PREP: variants seen among roughly 807,000 people sequenced by gnomAD.
The protein encoded by PREP is prolyl endopeptidase, also known as dJ355L5.1 (prolyl endopeptidase).
Under a neutral mutation model 87.6 loss-of-function variants are expected in PREP, and 29 were observed. The observed-to-expected ratio is 0.33, with a 90% CI of 0.25 to 0.45. PREP has a LOEUF of 0.45. Among genes scored for constraint, PREP ranks in the 20% least tolerant of loss-of-function variants. The pLI is 1.00. For missense variants in PREP, 695 were observed against 886.5 expected, an observed-to-expected ratio of 0.78 and a Z score of 2.74; for synonymous variants, 337 against 328.6, an observed-to-expected ratio of 1.03 and a Z score of -0.28.
chr6:105,368,830 C>A, intron 6 of PREP, 73 bp downstream of exon 6: 1 of 1,557,708 alleles, frequency 6.4e-7, no homozygotes. Flanking sequence ...AAGGTCACCA[C>A]ATAATAAGAA....
intron 7 of PREP, among the ~76,000 whole-genome samples, chr6:105,337,131 G>C (rs1033417872): frequency 6.6e-6 from 1 of 152,020 alleles, no homozygotes; most frequent in African/African-American, 2.4e-5. Flanking sequence ...TTTTCACTAG[G>C]AATCTGATCA....
chr6:105,339,151 A>G (rs186595265), intron 7 of PREP, among the ~76,000 whole-genome samples: 7 of 152,250 alleles, frequency 4.6e-5, no homozygotes, highest in African/African-American at 1.7e-4. Context: ...GCTGATTGAC[A>G]CCTCATAAGG....
intron 2 of PREP, among the ~76,000 whole-genome samples, chr6:105,377,846 G>A (rs1772727606): frequency 6.6e-6 from 1 of 152,212 alleles, no homozygotes; most frequent in Non-Finnish European, 1.5e-5. Flanking sequence ...GGGAAACTGA[G>A]GTTTGGAGTG....
chr6:105,318,287 C>A (rs1770924259), intron 10 of PREP, among the ~76,000 whole-genome samples: 1 of 152,172 alleles, frequency 6.6e-6, no homozygotes, highest in Admixed American at 6.5e-5. Context: ...ATGCAAGTCA[C>A]TTCCTAACAA....
At chr6:105,394,928 C>A (rs1237466984) in intron 2 of PREP, among the ~76,000 whole-genome samples, 1 of 148,340 alleles carries the variant, frequency 6.7e-6, no homozygotes, top group Non-Finnish European at 1.5e-5. Context: ...ATGTGGAGAT[C>A]TAGAAAAGTG....
Position 105,402,828 on chromosome 6 carries a change from C to A in PREP, c.45+19G>T. The stretch of plus-strand genomic sequence containing the variant: ...CACCTTTGCCCGGGAGCCCTCTGGG[C>A]GGAGGCAGAGATACTTACGGCGGTC... On this transcript the variant is annotated intron_variant, in intron 1 of 14. Coordinates refer to ENST00000652536, the MANE Select transcript of PREP (RefSeq NM_002726.5). The A allele has an allele frequency of 1.3e-6, 2 of 1,536,766 alleles. No homozygotes were observed. Among genetic ancestry groups the A allele is most frequent in the Non-Finnish European group, 1.8e-6 (2 of 1,139,100 alleles).
At chr6:105,332,551 T>C (rs1275082483) in intron 8 of PREP, among the ~76,000 whole-genome samples, 1 of 152,192 alleles carries the variant, frequency 6.6e-6, no homozygotes, top group Non-Finnish European at 1.5e-5. Context: ...GGTCCTATTT[T>C]ATCCTCAATC....
intron 6 of PREP, among the ~76,000 whole-genome samples, chr6:105,367,998 T>C (rs1324244373): frequency 6.6e-6 from 1 of 152,190 alleles, no homozygotes; most frequent in Non-Finnish European, 1.5e-5. Context: ...AAAGGACAAT[T>C]TGGAATACGG....
At chr6:105,339,409 T>TA (rs368794911) in intron 7 of PREP, among the ~76,000 whole-genome samples, 11,991 of 152,124 alleles carry the variant, frequency 0.079, 572 homozygotes, top group East Asian at 0.19. Flanking sequence ...AAAAGGTAGA[T>TA]AAAACCACAA....
At chr6:105,368,869 T>C (rs1562218943) in intron 6 of PREP, 34 bp downstream of exon 6, 2 of 1,611,318 alleles carry the variant, frequency 1.2e-6, no homozygotes, top group Middle Eastern at 3.3e-4. Context: ...TGAAACACAG[T>C]CTTTGGGGGT....
At chr6:105,385,904 G>A (rs937260938) in intron 2 of PREP, among the ~76,000 whole-genome samples, 7 of 152,126 alleles carry the variant, frequency 4.6e-5, no homozygotes, top group East Asian at 1.9e-4. Flanking sequence ...GGCAGATCAC[G>A]AGGTCAGGAG....
At chr6:105,349,498 T>C (rs1207871473) in intron 7 of PREP, among the ~76,000 whole-genome samples, 1 of 152,174 alleles carries the variant, frequency 6.6e-6, no homozygotes, top group Non-Finnish European at 1.5e-5. Context: ...CTTTTTGTGC[T>C]CTCATTTCAA....
intron 6 of PREP, among the ~76,000 whole-genome samples, chr6:105,367,835 C>T (rs1482892713): frequency 6.6e-6 from 1 of 152,192 alleles, no homozygotes; most frequent in African/African-American, 2.4e-5. Flanking sequence ...GTGGCAATTA[C>T]TCAACTCTGC....
intron 1 of PREP, among the ~76,000 whole-genome samples, chr6:105,399,327 G>T (rs570709732): frequency 6.6e-6 from 1 of 152,294 alleles, no homozygotes; most frequent in Non-Finnish European, 1.5e-5. Flanking sequence ...TGCTGCTCTA[G>T]TTCCAGTGTG....
At chr6:105,305,439 A>AT (rs1028545200) in intron 10 of PREP, among the ~76,000 whole-genome samples, 29 of 152,090 alleles carry the variant, frequency 1.9e-4, no homozygotes, top group African/African-American at 6.8e-4. Flanking sequence ...GTTCAATACC[A>AT]TTTTTTTGTT....
intron 2 of PREP, among the ~76,000 whole-genome samples, chr6:105,388,685 G>A (rs1444914781): frequency 6.6e-6 from 1 of 152,128 alleles, no homozygotes; most frequent in Non-Finnish European, 1.5e-5. Flanking sequence ...GTAGTAACAC[G>A]TTTAAGACCT....
At chr6:105,369,658 G>A (rs1014985633) in intron 5 of PREP, among the ~76,000 whole-genome samples, 1 of 152,120 alleles carries the variant, frequency 6.6e-6, no homozygotes, top group Non-Finnish European at 1.5e-5. Context: ...TTAAAAAAAG[G>A]TGCTGGGACA....
In PREP at chr6:105,281,942, C is replaced by G. The variant is rs145971891; in HGVS notation, c.1682-40G>C. ...TAGAAAGAAAAGGGAGGCAGTCTAT[C>G]ATTAAACATCTACATAAACAAGGCA... On this transcript the variant is annotated intron_variant, in intron 13 of 14. Coordinates refer to ENST00000652536, the MANE Select transcript of PREP (RefSeq NM_002726.5). 5.3e-4 allele frequency: 856 copies of G among 1,603,204 alleles called. 6 individuals are homozygous for G. In the African/African-American group the frequency reaches 9.8e-3, roughly 18 times the overall value.
intron 7 of PREP, among the ~76,000 whole-genome samples, chr6:105,337,643 A>T (rs192806417): frequency 6.6e-6 from 1 of 152,322 alleles, no homozygotes; most frequent in Non-Finnish European, 1.5e-5. Flanking sequence ...CAGCAGAAAC[A>T]TTCAGGGACA....
Sources: gnomAD v4.1 joint callset for allele counts (sites outside exome capture counted in the v4.1 genomes callset) on GRCh38, gnomAD v4.1.1 for gene constraint, MANE v1.5 for transcripts, NCBI Gene and HGNC (gene_info 2026-07-23, HGNC 2026-07-21) for gene names.